The following VSIR variants were observed in gnomAD, a reference collection of about 807,000 sequenced individuals.
The protein encoded by VSIR is V-set immunoregulatory receptor, also known as V-type immunoglobulin domain-containing suppressor of T-cell activation.
A neutral mutation model predicts 31.0 loss-of-function variants in VSIR; 10 were observed. The ratio of observed to expected loss-of-function variants is 0.32; its 90% confidence interval spans 0.20 to 0.55. VSIR has a LOEUF of 0.55. VSIR is among the 20% of genes least tolerant of loss of function. The probability of loss-of-function intolerance (pLI) is 0.93; values close to 1 mark genes in which losing one functional copy is unlikely to be tolerated. For synonymous variants in VSIR, 179 were observed against 180.1 expected, an observed-to-expected ratio of 0.99 and a Z score of 0.05; for missense variants, 356 against 416.2, an observed-to-expected ratio of 0.86 and a Z score of 1.26.
At chr10:71,753,264 C>T (rs765522076) in intron 4 of VSIR, among the ~76,000 whole-genome samples, 7 of 152,372 alleles carry the variant, frequency 4.6e-5, no homozygotes, top group South Asian at 2.1e-4. Context: ...AGTGTAAGAA[C>T]GCTATCTGCC....
intron 1 of VSIR, among the ~76,000 whole-genome samples, chr10:71,764,276 A>G (rs1840474099): frequency 6.6e-6 from 1 of 152,194 alleles, no homozygotes; most frequent in South Asian, 2.1e-4. Flanking sequence ...GCCATAAGGT[A>G]TTGTTTTTAT....
chr10:71,750,958 T>C lies in VSIR; in HGVS notation c.*295A>G. ...CGAGAGCTGCTGAAGGGCTGGACGT[T>C]CTGAGACTTCTTAAGATGTAAGTCA... On this transcript the variant is annotated 3_prime_UTR_variant, in exon 7 of 7. Coordinates refer to ENST00000394957, the MANE Select transcript of VSIR (RefSeq NM_022153.2). 2.6e-6 allele frequency: 1 copy of C among 378,842 alleles called. No homozygotes were observed. Among genetic ancestry groups the C allele is most frequent in the Non-Finnish European group, 4.8e-6 (1 of 209,644 alleles). 23.5% of individuals were successfully genotyped at this position (378,842 alleles called of 1,614,324 possible). A position where few individuals can be genotyped will look rare whatever the true frequency, so the allele number is the denominator to read the frequency against.
chr10:71,771,175 CTGT>C, intron 1 of VSIR, among the ~76,000 whole-genome samples: 1 of 152,260 alleles, frequency 6.6e-6, no homozygotes, highest in South Asian at 2.1e-4. Flanking sequence ...CTGGGAATGT[CTGT>C]GGGGAAGAAG....
intron 3 of VSIR, among the ~76,000 whole-genome samples, chr10:71,759,395 T>C (rs898056406): frequency 6.6e-6 from 1 of 152,046 alleles, no homozygotes; most frequent in African/African-American, 2.4e-5. Context: ...TAGTCCCAGC[T>C]ACTTGGGAGA....
In VSIR at chr10:71,748,127, T is replaced by G. The variant is rs946355777; in HGVS notation, c.*3126A>C. 1.3e-5 allele frequency: 2 copies of G among 151,866 alleles called. No homozygotes were observed. The highest frequency in any genetic ancestry group is 2.9e-5 in the Non-Finnish European group (2 of 68,048). 9.4% of individuals were successfully genotyped at this position (151,866 alleles called of 1,614,324 possible). A position where few individuals can be genotyped will look rare whatever the true frequency, so the allele number is the denominator to read the frequency against. ...CCAGCCCTGGGGAAGGCCTCATTCA[T>G]GAGGCAGGACCCCAGGGGCCAAGTT... On this transcript the variant is annotated 3_prime_UTR_variant, in exon 7 of 7. Transcript: ENST00000394957.
intron 1 of VSIR, among the ~76,000 whole-genome samples, chr10:71,772,674 T>C (rs1000491513): frequency 2.6e-5 from 4 of 152,230 alleles, no homozygotes; most frequent in African/African-American, 9.6e-5. Flanking sequence ...AAGGGGCTCA[T>C]AGCTGAGCTG....
At chr10:71,760,273 A>G (rs1049295783) in intron 3 of VSIR, among the ~76,000 whole-genome samples, 4 of 114,628 alleles carry the variant, frequency 3.5e-5, no homozygotes, top group African/African-American at 1.2e-4. Flanking sequence ...ATATACATAT[A>G]TATGTATGTA....
chr10:71,773,347 C>T lies in VSIR; in HGVS notation c.82+11G>A, dbSNP rs1488594206. The T allele has an allele frequency of 6.2e-7, 1 of 1,602,798 alleles. No homozygotes were observed. Among genetic ancestry groups the T allele is most frequent in the East Asian group, 2.3e-5 (1 of 44,112 alleles). ...AGCTTTTTCCCAGCGCCCCGCCTCC[C>T]CCGACCTTACCTAGGGACGCAGCCA... On this transcript the variant is annotated intron_variant, in intron 1 of 6. Coordinates refer to ENST00000394957, the MANE Select transcript of VSIR (RefSeq NM_022153.2).
chr10:71,751,987 T>C lies in VSIR; in HGVS notation c.705-126A>G. ...TCCCCATCCCCAAGCCTCAGCAGCATCTCCAAGCAAGAAGGCAGGAGCCAG... is the reference window on the plus strand; with the variant it reads ...TCCCCATCCCCAAGCCTCAGCAGCACCTCCAAGCAAGAAGGCAGGAGCCAG... On this transcript the variant is annotated intron_variant, in intron 5 of 6. Transcript: ENST00000394957. The surrounding 1 kb of genome is among the most constrained non-coding windows in gnomAD (Gnocchi z 4.9). The C allele has an allele frequency of 9.3e-7, 1 of 1,078,714 alleles. No homozygotes were observed. The highest frequency in any genetic ancestry group is 1.4e-6 in the Non-Finnish European group (1 of 730,274). 66.8% of individuals were successfully genotyped at this position (1,078,714 alleles called of 1,614,324 possible). A position where few individuals can be genotyped will look rare whatever the true frequency, so the allele number is the denominator to read the frequency against.
chr10:71,767,169 C>T (rs1480019439), intron 1 of VSIR, among the ~76,000 whole-genome samples: 1 of 152,230 alleles, frequency 6.6e-6, no homozygotes, highest in African/African-American at 2.4e-5. Context: ...TTGGCATCTT[C>T]TCAGAATGCC....
intron 5 of VSIR, among the ~76,000 whole-genome samples, chr10:71,752,294 G>A (rs1219173725): frequency 2.0e-5 from 3 of 152,224 alleles, no homozygotes; most frequent in Non-Finnish European, 4.4e-5. Flanking sequence ...TTGGGAGTGG[G>A]ATAACTTCTG....
chr10:71,757,430 T>C (rs1304702094), intron 3 of VSIR: 1 of 152,436 alleles, frequency 6.6e-6, no homozygotes, highest in Non-Finnish European at 1.5e-5. Flanking sequence ...GCGCAGAGGT[T>C]TGGGGACAAG....
chr10:71,772,789 C>T (rs1456103845), intron 1 of VSIR, among the ~76,000 whole-genome samples: 1 of 152,192 alleles, frequency 6.6e-6, no homozygotes, highest in Non-Finnish European at 1.5e-5. Flanking sequence ...CCATCAGACC[C>T]TTAGAATAGG....
At chr10:71,763,005 CTG>C (rs1840434577) in intron 1 of VSIR, among the ~76,000 whole-genome samples, 1 of 152,212 alleles carries the variant, frequency 6.6e-6, no homozygotes, top group African/African-American at 2.4e-5. Context: ...TTCTATCTAA[CTG>C]TATGAGCCTC....
intron 4 of VSIR, among the ~76,000 whole-genome samples, chr10:71,753,479 G>C (rs530607836): frequency 2.0e-5 from 3 of 152,174 alleles, no homozygotes; most frequent in African/African-American, 7.2e-5. Context: ...GAGGGCTCCT[G>C]GTCCTCTCTG....
intron 4 of VSIR, chr10:71,754,924 G>A: frequency 2.7e-6 from 1 of 366,412 alleles, no homozygotes; most frequent in Admixed American, 3.3e-5. Flanking sequence ...GTTGAGCTAA[G>A]TTGTCTGTAA....
At chr10:71,756,534 A>G (rs1047925969) in intron 3 of VSIR, among the ~76,000 whole-genome samples, 1 of 152,228 alleles carries the variant, frequency 6.6e-6, no homozygotes, top group Non-Finnish European at 1.5e-5. Flanking sequence ...GTGCTGAGCC[A>G]AAGAGTATGT....
intron 1 of VSIR, among the ~76,000 whole-genome samples, chr10:71,767,818 G>C (rs1840590060): frequency 6.6e-6 from 1 of 152,248 alleles, no homozygotes. Flanking sequence ...AAGGGGGCTG[G>C]GAAGGGGAAG....
At chr10:71,760,238 CATATATATGTATGTATATATATGT>C (rs1564780282) in intron 3 of VSIR, among the ~76,000 whole-genome samples, 32 of 20,902 alleles carry the variant, frequency 1.5e-3, no homozygotes, top group African/African-American at 3.9e-3. Context: ...TATGTATATA[CATATATATGTATGTATATATATGT>C]ATATACATAT....
Sources: gnomAD v4.1 joint callset for allele counts (sites outside exome capture counted in the v4.1 genomes callset) on GRCh38, gnomAD v4.1.1 for gene constraint, Gnocchi (gnomAD v3.1) non-coding constraint, MANE v1.5 for transcripts, NCBI Gene and HGNC (gene_info 2026-07-23, HGNC 2026-07-21) for gene names.